USP47: variants seen among roughly 807,000 people sequenced by gnomAD.
USP47 encodes the protein ubiquitin carboxyl-terminal hydrolase 47.
A neutral mutation model predicts 165.1 loss-of-function variants in USP47; 35 were observed. The ratio of observed to expected loss-of-function variants is 0.21; its 90% CI spans 0.16 to 0.28. The LOEUF (loss-of-function observed/expected upper bound fraction) is 0.28. USP47 is among the 10% of genes least tolerant of loss of function. The pLI is 1.00. For missense variants in USP47, 1,277 were observed against 1,607.4 expected, an observed-to-expected ratio of 0.79 and a Z score of 3.52; for synonymous variants, 531 against 544.5, an observed-to-expected ratio of 0.98 and a Z score of 0.35.
intron 1 of USP47, among the ~76,000 whole-genome samples, chr11:11,858,936 T>C (rs779293517): frequency 7.9e-5 from 12 of 152,232 alleles, no homozygotes; most frequent in Admixed American, 2.0e-4. Context: ...CCAAACTCTT[T>C]TCTGAAATGG....
chr11:11,870,679 C>A (rs141269175), intron 1 of USP47, among the ~76,000 whole-genome samples: 5 of 152,138 alleles, frequency 3.3e-5, no homozygotes, highest in Admixed American at 6.5e-5. Context: ...TTTGTAAGCA[C>A]CTGAAAAATA....
intron 2 of USP47, among the ~76,000 whole-genome samples, chr11:11,881,094 A>G (rs778778125): frequency 4.5e-4 from 68 of 151,988 alleles, no homozygotes; most frequent in Non-Finnish European, 9.3e-4. Context: ...TTAAATATTT[A>G]GTGATTTTTA....
chr11:11,842,376 T>A, intron 1 of USP47, 152 bp downstream of exon 1: 1 of 879,958 alleles, frequency 1.1e-6, no homozygotes, highest in Admixed American at 3.0e-5. Context: ...GGACGGTGGG[T>A]GCGGCGAGCA....
intron 5 of USP47, among the ~76,000 whole-genome samples, chr11:11,901,554 T>C (rs1335981758): frequency 6.6e-6 from 1 of 152,220 alleles, no homozygotes; most frequent in African/African-American, 2.4e-5. Flanking sequence ...GCTAGACTGC[T>C]GTTTATCATA....
intron 24 of USP47, 64 bp downstream of exon 24, chr11:11,950,546 T>C (rs1856150414): frequency 1.5e-5 from 16 of 1,083,190 alleles, no homozygotes; most frequent in Admixed American, 2.3e-5. Flanking sequence ...TAGAAGCCTA[T>C]AGTTTTTAAT....
rs759081017 is a variant in USP47, at chr11:11,948,026, C to G, written c.3173C>G (p.Ser1058Cys). Residue 1058 changes from serine to cysteine, a missense_variant, in exon 21 of 28, where the codon TCT (serine) becomes TGT (cysteine). Around this residue, in one of 4 missense-constraint regions of USP47, gnomAD observed 909 missense variants for 1,068.1 expected, o/e 0.85. Coordinates refer to ENST00000527733, the MANE Select transcript of USP47 (RefSeq NM_001282659.2). ...HLEPFVGVLS[S>C]HFKVFRVYAS... ...GAGCCCTTTGTTGGAGTTTTGTCCT[C>G]TCACTTCAAGGTCTTTCGAGTGTAT... 3.1e-6 allele frequency: 5 copies of G among 1,613,690 alleles called. No homozygotes were observed. Among genetic ancestry groups the G allele is most frequent in the Non-Finnish European group, 4.2e-6 (5 of 1,179,808 alleles).
chr11:11,885,561 A>G (rs1174335267), intron 3 of USP47, among the ~76,000 whole-genome samples: 2 of 152,132 alleles, frequency 1.3e-5, no homozygotes, highest in African/African-American at 4.8e-5. Flanking sequence ...CCACGCCACC[A>G]GGGTCTTGGG....
In USP47 at chr11:11,937,756, C is replaced by T. The variant is rs185213502; in HGVS notation, c.2078-501C>T. The stretch of plus-strand genomic sequence containing the variant: ...TATTTTGTCAAATTTAGATTAACAA[C>T]GTAGGGAAAAAACTGAGGATTGACA... On this transcript the variant is annotated intron_variant, in intron 17 of 27. Coordinates refer to ENST00000527733, the MANE Select transcript of USP47 (RefSeq NM_001282659.2). 5.1e-4 allele frequency among the ~76,000 whole-genome samples: 77 copies of T among 151,638 alleles called. No individual in the cohort carries two copies. The Middle Eastern group carries it at 0.01, about 20-fold the overall frequency.
At chr11:11,926,268 C>T (rs1225137769) in intron 11 of USP47, among the ~76,000 whole-genome samples, 3 of 152,080 alleles carry the variant, frequency 2.0e-5, no homozygotes, top group African/African-American at 7.2e-5. Context: ...GTTAATTCTT[C>T]AAATGTTTGA....
In USP47 at chr11:11,842,066, A is replaced by C; in HGVS notation, c.-120A>C. The C allele has an allele frequency of 2.3e-6, 3 of 1,293,558 alleles. No individual in the cohort carries two copies. The East Asian group carries it at 7.7e-5, about 33-fold the overall frequency. 80.1% of individuals were successfully genotyped at this position (1,293,558 alleles called of 1,614,324 possible). On this transcript the variant is annotated 5_prime_UTR_variant, in exon 1 of 28. Transcript: ENST00000527733. Reference sequence around the variant, plus strand: ...TGAGGCCCAGGCTGAGGCCTCCGCTATTGCTGGAGCGCAGGCGGCGGAGAG... The same window carrying C: ...TGAGGCCCAGGCTGAGGCCTCCGCTCTTGCTGGAGCGCAGGCGGCGGAGAG...
At chr11:11,917,288 C>A (rs888138453) in intron 8 of USP47, among the ~76,000 whole-genome samples, 1 of 152,088 alleles carries the variant, frequency 6.6e-6, no homozygotes, top group Non-Finnish European at 1.5e-5. Context: ...TTAATTATGA[C>A]AGCTATAAAA....
chr11:11,863,400 T>C (rs530509247), intron 1 of USP47, among the ~76,000 whole-genome samples: 5 of 152,172 alleles, frequency 3.3e-5, no homozygotes, highest in Non-Finnish European at 7.4e-5. Flanking sequence ...TATTCCTAAA[T>C]CGAAATACAC....
At chr11:11,898,657 A>C (rs915582355) in intron 5 of USP47, among the ~76,000 whole-genome samples, 3 of 152,218 alleles carry the variant, frequency 2.0e-5, no homozygotes, top group Non-Finnish European at 4.4e-5. Context: ...AGCAATATGT[A>C]TATGTTTGAA....
intron 8 of USP47, among the ~76,000 whole-genome samples, chr11:11,913,258 C>CAAAAAAA (rs796881838): frequency 4.7e-4 from 37 of 79,184 alleles, no homozygotes; most frequent in Middle Eastern, 0.014. Flanking sequence ...ATCCCTTGTA[C>CAAAAAAA]AAAAAAAAAA....
chr11:11,843,267 G>A (rs1848242786), intron 1 of USP47, among the ~76,000 whole-genome samples: 1 of 152,186 alleles, frequency 6.6e-6, no homozygotes, highest in Non-Finnish European at 1.5e-5. Context: ...ATGCAAGGGT[G>A]ATATTATTGG....
intron 1 of USP47, among the ~76,000 whole-genome samples, chr11:11,864,629 A>T (rs1849571710): frequency 6.6e-6 from 1 of 151,890 alleles, no homozygotes; most frequent in Non-Finnish European, 1.5e-5. Flanking sequence ...TGTCTTTGTG[A>T]CTGGCTTATT....
chr11:11,947,056 G>A (rs1590450188), intron 20 of USP47, among the ~76,000 whole-genome samples: 1 of 152,162 alleles, frequency 6.6e-6, no homozygotes, highest in Admixed American at 6.5e-5. Flanking sequence ...TTAGAGCCAG[G>A]GAGGTCCAGT....
chr11:11,855,019 C>T (rs1296802030), intron 1 of USP47, among the ~76,000 whole-genome samples: 3 of 151,612 alleles, frequency 2.0e-5, no homozygotes, highest in East Asian at 1.9e-4. Flanking sequence ...GGTGTGAACC[C>T]GGGAGGCGGA....
intron 25 of USP47, 29 bp from the exon 26 acceptor site, chr11:11,954,868 G>C: frequency 6.2e-7 from 1 of 1,605,712 alleles, no homozygotes; most frequent in African/African-American, 1.3e-5. Context: ...TTTTTTAAAT[G>C]AACTCAAATA....
Sources: allele counts gnomAD v4.1 joint callset (sites outside exome capture counted in the v4.1 genomes callset), GRCh38; gene constraint gnomAD v4.1.1; regional missense constraint gnomAD v4.1.1; transcripts MANE v1.5; gene names NCBI Gene and HGNC (gene_info 2026-07-23, HGNC 2026-07-21).